Variants in SLC13A3 observed in about 807,000 individuals in gnomAD.
SLC13A3 encodes Na(+)/dicarboxylate cotransporter 3.
Under a neutral mutation model 59.0 loss-of-function variants are expected in SLC13A3, and 40 were observed. That is an observed-to-expected ratio of 0.68 (90% CI 0.53 to 0.88). SLC13A3 has a LOEUF of 0.88. Among genes scored for constraint, SLC13A3 ranks in the 40% least tolerant of loss-of-function variants. The pLI is 0.00. For synonymous variants in SLC13A3, 317 were observed against 330.3 expected, an observed-to-expected ratio of 0.96 and a Z score of 0.44; for missense variants, 699 against 783.2, an observed-to-expected ratio of 0.89 and a Z score of 1.28.
chr20:46,560,827 C>T (rs2061924545), intron 12 of SLC13A3, among the ~76,000 whole-genome samples: 1 of 152,188 alleles, frequency 6.6e-6, no homozygotes, highest in Admixed American at 6.5e-5. Flanking sequence ...CCATTCAGTC[C>T]ACCTTGGGCT....
intron 3 of SLC13A3, 127 bp from the exon 4 acceptor site, chr20:46,600,164 G>T: frequency 3.6e-6 from 1 of 278,240 alleles, no homozygotes; most frequent in Non-Finnish European, 6.1e-6. Flanking sequence ...TGAATCAAAA[G>T]ACAAAGACAG....
At chr20:46,593,946 G>T (rs1007908477) in intron 5 of SLC13A3, among the ~76,000 whole-genome samples, 1 of 152,054 alleles carries the variant, frequency 6.6e-6, no homozygotes, top group Admixed American at 6.6e-5. Context: ...ATGTTCTTTA[G>T]TGTGCCAATA....
chr20:46,654,064 C>A (rs752589243), upstream of SLC13A3, among the ~76,000 whole-genome samples: 3 of 152,112 alleles, frequency 2.0e-5, no homozygotes, highest in African/African-American at 7.2e-5. Context: ...TACATTCCCA[C>A]GATGTGCAAG....
chr20:46,561,282 T>C lies in SLC13A3; in HGVS notation c.1633-1084A>G, dbSNP rs2010328. Among the ~76,000 whole-genome samples, 695 of 152,340 alleles carry C rather than the reference T, an allele frequency of 4.6e-3. 5 individuals carry two copies. The highest frequency in any genetic ancestry group is 7.6e-3 in the Non-Finnish European group (514 of 68,030). On this transcript the variant is annotated intron_variant, in intron 12 of 12. Transcript: ENST00000279027. Reference sequence around the variant, plus strand: ...TGATGTCTCATGCCTCCCTAAAATGTATAAAATCAAGCTGTGCTCCACCCA... The same window carrying C: ...TGATGTCTCATGCCTCCCTAAAATGCATAAAATCAAGCTGTGCTCCACCCA...
chr20:46,587,306 A>C (rs2062204320), intron 8 of SLC13A3, among the ~76,000 whole-genome samples: 1 of 152,220 alleles, frequency 6.6e-6, no homozygotes, highest in African/African-American at 2.4e-5. Flanking sequence ...TAGGAAACTG[A>C]GGCACAGAGA....
intron 2 of SLC13A3, among the ~76,000 whole-genome samples, chr20:46,611,352 G>A (rs956789591): frequency 6.6e-6 from 1 of 152,078 alleles, no homozygotes; most frequent in Non-Finnish European, 1.5e-5. Context: ...TCAAAGTCAA[G>A]CTCAAATGTG....
intron 10 of SLC13A3, among the ~76,000 whole-genome samples, chr20:46,570,448 A>T (rs1184761678): frequency 6.6e-6 from 1 of 152,134 alleles, no homozygotes; most frequent in Non-Finnish European, 1.5e-5. Context: ...CACCTAACCT[A>T]CCTGTTCACA....
chr20:46,596,047 A>G (rs1221161138), intron 5 of SLC13A3, 110 bp downstream of exon 5: 1 of 1,012,280 alleles, frequency 9.9e-7, no homozygotes, highest in Admixed American at 2.7e-5. Flanking sequence ...GTGTTCCCAG[A>G]GCCTGGCCCA....
At chr20:46,659,260 G>T (rs1039766049) in intron 1 of SLC13A3, among the ~76,000 whole-genome samples, 1 of 151,660 alleles carries the variant, frequency 6.6e-6, no homozygotes, top group Non-Finnish European at 1.5e-5. Flanking sequence ...GCTTTCTTTT[G>T]TATCAACTGA....
chr20:46,670,620 G>A (rs1337988142), upstream of SLC13A3, among the ~76,000 whole-genome samples: 1 of 152,150 alleles, frequency 6.6e-6, no homozygotes, highest in African/African-American at 2.4e-5. Context: ...CATAGAGAGG[G>A]GCCCTGAAAG....
chr20:46,576,843 C>T (rs413635), intron 9 of SLC13A3, among the ~76,000 whole-genome samples: 123,362 of 152,132 alleles, frequency 0.81, 50,212 homozygotes, highest in East Asian at 0.88. Context: ...ACACAGTGGT[C>T]TACCTAAAAC....
At chr20:46,675,722 C>T (rs2063120993) in intron 1 of SLC13A3, among the ~76,000 whole-genome samples, 1 of 151,900 alleles carries the variant, frequency 6.6e-6, no homozygotes, top group African/African-American at 2.4e-5. Flanking sequence ...GCTGGGACTA[C>T]AGGCATGCAC....
chr20:46,611,907 A>G (rs573738852), intron 2 of SLC13A3, among the ~76,000 whole-genome samples: 2 of 152,302 alleles, frequency 1.3e-5, no homozygotes, highest in East Asian at 1.9e-4. Context: ...GTCTATGGAT[A>G]TAATTCAGAA....
Position 46,566,286 on chromosome 20 carries a change from A to T in SLC13A3, c.1437T>A (p.Thr479=). 1 of 1,613,816 alleles carries T rather than the reference A, an allele frequency of 6.2e-7. No homozygotes were observed. Among genetic ancestry groups the T allele is most frequent in the African/African-American group, 1.3e-5 (1 of 75,032 alleles). Residue 479 remains threonine, a synonymous_variant, in exon 11 of 13, where the codon ACT becomes ACA. Transcript: ENST00000279027. ...TGGTCGCCGTGTTGCTGGCAAACTC[A>T]GTGAAGAAGGCGATGACCACAGTGA... ...LLITVVIAFF[T]EFASNTATII...
chr20:46,591,491 G>A (rs2062256371), intron 6 of SLC13A3, among the ~76,000 whole-genome samples: 1 of 152,162 alleles, frequency 6.6e-6, no homozygotes, highest in South Asian at 2.1e-4. Context: ...AAAACAAAGT[G>A]CCAGTATTAT....
intron 9 of SLC13A3, chr20:46,582,925 G>C (rs2062152681): frequency 7.1e-6 from 7 of 985,368 alleles, no homozygotes; most frequent in Non-Finnish European, 8.4e-6. Flanking sequence ...TTTGGTTAGA[G>C]GTACTCAGTG....
chr20:46,591,011 G>T (rs1287407558), intron 6 of SLC13A3, among the ~76,000 whole-genome samples: 1 of 149,748 alleles, frequency 6.7e-6, no homozygotes, highest in Non-Finnish European at 1.5e-5. Context: ...AAAAAAAAAG[G>T]CACAAAAAAT....
intron 10 of SLC13A3, among the ~76,000 whole-genome samples, chr20:46,570,704 G>A (rs148724639): frequency 6.6e-6 from 1 of 152,250 alleles, no homozygotes; most frequent in African/African-American, 2.4e-5. Flanking sequence ...TTGAAAAATC[G>A]TATGTCGAAT....
chr20:46,643,676 C>T, intron 1 of SLC13A3, among the ~76,000 whole-genome samples: 1 of 152,206 alleles, frequency 6.6e-6, no homozygotes. Flanking sequence ...AATAAGTGAA[C>T]TTGACCTCTG....
Sources: gnomAD v4.1 joint callset for allele counts (sites outside exome capture counted in the v4.1 genomes callset) on GRCh38, gnomAD v4.1.1 for gene constraint, MANE v1.5 for transcripts, NCBI Gene and HGNC (gene_info 2026-07-23, HGNC 2026-07-21) for gene names.